TXNRD2: variants seen among roughly 807,000 people sequenced by gnomAD.
TXNRD2 encodes the protein thioredoxin reductase 2, also known as thioredoxin reductase 2, mitochondrial.
Under a neutral mutation model 70.8 loss-of-function variants are expected in TXNRD2, and 67 were observed. The observed-to-expected ratio is 0.95, with a 90% CI of 0.78 to 1.16. The LOEUF (loss-of-function observed/expected upper bound fraction) is 1.16, where lower values mean the gene tolerates loss of function less well. Ranked by LOEUF, TXNRD2 falls within the 50% of genes most tolerant of loss-of-function variation. The pLI is 0.00. For synonymous variants in TXNRD2, 301 were observed against 295.8 expected, an observed-to-expected ratio of 1.02 and a Z score of -0.18; for missense variants, 644 against 719.9, an observed-to-expected ratio of 0.89 and a Z score of 1.21.
intron 1 of TXNRD2, 198 bp downstream of exon 1, chr22:19,941,503 C>T: frequency 2.1e-6 from 2 of 955,550 alleles, no homozygotes; most frequent in African/African-American, 1.7e-5. Context: ...GCCCCAGTTT[C>T]CCCACCTGGG....
intron 4 of TXNRD2, 152 bp from the exon 5 acceptor site, chr22:19,918,369 C>G (rs113107030): frequency 1.4e-6 from 1 of 718,676 alleles, no homozygotes; most frequent in Non-Finnish European, 2.4e-6. Flanking sequence ...TCCATCCCTA[C>G]GTGCAACCGC....
intron 8 of TXNRD2, among the ~76,000 whole-genome samples, chr22:19,909,761 T>TCA (rs200209660): frequency 3.4e-5 from 1 of 29,646 alleles, no homozygotes; most frequent in Non-Finnish European, 6.4e-5. Flanking sequence ...CCCACACCCT[T>TCA]CACACACACA....
chr22:19,911,005 G>C (rs1907727581), intron 8 of TXNRD2: 3 of 321,840 alleles, frequency 9.3e-6, no homozygotes, highest in South Asian at 7.7e-5. Context: ...AACCTGGGAG[G>C]CAGGGATTGC....
chr22:19,897,018 C>T (rs1939539529), intron 10 of TXNRD2, among the ~76,000 whole-genome samples: 1 of 152,206 alleles, frequency 6.6e-6, no homozygotes, highest in South Asian at 2.1e-4. Flanking sequence ...CCCCATTCTG[C>T]AGGCCCCTTT....
rs189953803 is a variant in TXNRD2, at chr22:19,888,256, C to T, written c.950-4795G>A. ...CCTCCTCTGATCACAATGAGAGCCC[C>T]ACCAGCTGCTGTCAATGGCCCAGGA... On this transcript the variant is annotated intron_variant, in intron 11 of 17. Transcript: ENST00000400521. Among the ~76,000 whole-genome samples the T allele has an allele frequency of 9.2e-4, 140 of 152,268 alleles. No individual in the cohort carries two copies. The Middle Eastern group carries it at 0.014, about 15-fold the overall frequency.
Position 19,878,196 on chromosome 22 carries a change from C to T in TXNRD2, c.1348-9G>A, listed in dbSNP as rs774694967. 29 of 1,612,452 alleles carry T rather than the reference C, an allele frequency of 1.8e-5. No individual in the cohort carries two copies. Among genetic ancestry groups the T allele is most frequent in the African/African-American group, 2.7e-5 (2 of 74,896 alleles). On this transcript the variant is annotated splice_polypyrimidine_tract_variant and intron_variant, in intron 15 of 17. Transcript: ENST00000400521. ...TCCCTCAGGCACACCATCTGAAAGC[C>T]GCACATCTCAGCCACCAGCCCAGGA...
chr22:19,924,059 G>A (rs966125085), intron 2 of TXNRD2, among the ~76,000 whole-genome samples: 8 of 151,414 alleles, frequency 5.3e-5, no homozygotes, highest in African/African-American at 1.2e-4. Context: ...GGTGTGCAGC[G>A]GTGCGATCAC....
chr22:19,890,429 AC>A (rs1939214009), intron 11 of TXNRD2, among the ~76,000 whole-genome samples: 1 of 152,162 alleles, frequency 6.6e-6, no homozygotes, highest in Admixed American at 6.5e-5. Flanking sequence ...TGGCCACTCC[AC>A]CCTGAGAGCA....
intron 12 of TXNRD2, among the ~76,000 whole-genome samples, chr22:19,881,896 C>G (rs373125429): frequency 2.0e-5 from 3 of 152,242 alleles, no homozygotes; most frequent in Non-Finnish European, 4.4e-5. Flanking sequence ...TCCACACAAT[C>G]GGGTCGGCTA....
chr22:19,895,126 T>A (rs775476018), intron 11 of TXNRD2: 2 of 1,598,468 alleles, frequency 1.3e-6, no homozygotes, highest in African/African-American at 2.7e-5. Flanking sequence ...ACCTGGCTGA[T>A]GCCGTCTCAG....
chr22:19,919,136 G>C (rs946586150), intron 3 of TXNRD2, 132 bp from the exon 4 acceptor site: 4 of 782,022 alleles, frequency 5.1e-6, no homozygotes, highest in Non-Finnish European at 8.5e-6. Flanking sequence ...CATGCCACAC[G>C]AATCTGCTCT....
chr22:19,882,159 G>A (rs1965249192), intron 12 of TXNRD2, among the ~76,000 whole-genome samples: 1 of 152,112 alleles, frequency 6.6e-6, no homozygotes, highest in African/African-American at 2.4e-5. Flanking sequence ...GACGCCTGGG[G>A]CATCCTACCC....
intron 8 of TXNRD2, among the ~76,000 whole-genome samples, chr22:19,905,825 T>C (rs1202519972): frequency 6.8e-6 from 1 of 148,044 alleles, no homozygotes; most frequent in African/African-American, 2.5e-5. Context: ...GGGCAACCCA[T>C]CTCCACCACA....
intron 2 of TXNRD2, among the ~76,000 whole-genome samples, chr22:19,920,075 G>GC (rs778161643): frequency 6.6e-6 from 1 of 152,150 alleles, no homozygotes; most frequent in East Asian, 1.9e-4. Context: ...CCCAGCCAGA[G>GC]CCCCCTAGGT....
At chr22:19,883,566 A>T in intron 11 of TXNRD2, 105 bp from the exon 12 acceptor site, 1 of 1,534,590 alleles carries the variant, frequency 6.5e-7, no homozygotes, top group South Asian at 1.1e-5. Context: ...GACCGGGTGC[A>T]GTGGCTCCTG....
chr22:19,930,851 C>T (rs1458114081), intron 2 of TXNRD2, among the ~76,000 whole-genome samples, 179 bp downstream of exon 2: 1 of 152,154 alleles, frequency 6.6e-6, no homozygotes, highest in Admixed American at 6.5e-5. Context: ...CCACGGCGGC[C>T]GCTGGGTACA....
chr22:19,918,788 A>C, intron 4 of TXNRD2, 72 bp downstream of exon 4: 1 of 1,583,720 alleles, frequency 6.3e-7, no homozygotes, highest in Non-Finnish European at 8.6e-7. Context: ...CTCATCGAGG[A>C]TAAGCCTCCT....
At chr22:19,906,773 A>T (rs1269485463) in intron 8 of TXNRD2, among the ~76,000 whole-genome samples, 1 of 152,242 alleles carries the variant, frequency 6.6e-6, no homozygotes, top group Non-Finnish European at 1.5e-5. Flanking sequence ...GGCAGCAGGC[A>T]GTCGATGGAA....
intron 11 of TXNRD2, among the ~76,000 whole-genome samples, chr22:19,890,334 T>C (rs34606353): frequency 0.05 from 7,607 of 152,282 alleles, 206 homozygotes; most frequent in Non-Finnish European, 0.064. Flanking sequence ...CTTGATGTCA[T>C]TAATTACAAA....
Sources: allele counts gnomAD v4.1 joint callset (sites outside exome capture counted in the v4.1 genomes callset), GRCh38; gene constraint gnomAD v4.1.1; transcripts MANE v1.5; gene names NCBI Gene and HGNC (gene_info 2026-07-23, HGNC 2026-07-21).